Variants in GAS7 observed in about 807,000 individuals in gnomAD.
GAS7 encodes growth arrest specific 7.
GAS7 carries 28 observed loss-of-function variants against 71.1 expected under a neutral mutation model. That is an observed-to-expected ratio of 0.39 (90% CI 0.29 to 0.54). The LOEUF (loss-of-function observed/expected upper bound fraction) is 0.54. Ranked by LOEUF, GAS7 falls within the 20% of genes least tolerant of loss-of-function variation. The probability of loss-of-function intolerance (pLI) is 0.62; values close to 1 mark genes in which losing one functional copy is unlikely to be tolerated. For missense variants in GAS7, 436 were observed against 627.8 expected, an observed-to-expected ratio of 0.69 and a Z score of 3.27; for synonymous variants, 258 against 245.8, an observed-to-expected ratio of 1.05 and a Z score of -0.46.
At chr17:10,157,172 G>C (rs2074211796) in intron 1 of GAS7, among the ~76,000 whole-genome samples, 1 of 152,130 alleles carries the variant, frequency 6.6e-6, no homozygotes, top group South Asian at 2.1e-4. Context: ...GGAGAAGGAG[G>C]AAACACCCAC....
At chr17:9,946,784 C>T in intron 6 of GAS7, 110 bp downstream of exon 6, 1 of 659,890 alleles carries the variant, frequency 1.5e-6, no homozygotes. Context: ...CCTTCACGCT[C>T]CAACGAGAAA....
chr17:9,942,939 C>G (rs114514312), intron 7 of GAS7, among the ~76,000 whole-genome samples, 182 bp downstream of exon 7: 3 of 152,176 alleles, frequency 2.0e-5, no homozygotes, highest in Non-Finnish European at 4.4e-5. Context: ...AACACTATAT[C>G]GGCCAAAGGT....
chr17:9,912,883 G>A lies in GAS7; in HGVS notation c.*4345C>T. ...GCAATGAAATACTTCCCGGCAAGGA[G>A]AAGGAACAAACCACACGCACACATC... On this transcript the variant is annotated 3_prime_UTR_variant, in exon 14 of 14. Coordinates refer to ENST00000432992, the MANE Select transcript of GAS7 (RefSeq NM_201433.2). 4.3e-6 allele frequency: 1 copy of A among 233,056 alleles called. No individual in the cohort carries two copies. Among genetic ancestry groups the A allele is most frequent in the Non-Finnish European group, 8.5e-6 (1 of 117,920 alleles). The allele number at this position is 233,056 out of a possible 1,614,324, so 14.4% of individuals were successfully genotyped here. A position where few individuals can be genotyped will look rare whatever the true frequency, so the allele number is the denominator to read the frequency against.
Position 10,105,442 on chromosome 17 carries a change from C to T in GAS7, c.184-85545G>A, listed in dbSNP as rs555259751. Among the ~76,000 whole-genome samples, 12 of 152,314 alleles carry T rather than the reference C, an allele frequency of 7.9e-5. No individual in the cohort carries two copies. In the East Asian group the frequency reaches 2.3e-3, roughly 29 times the overall value. On this transcript the variant is annotated intron_variant, in intron 1 of 13. Transcript: ENST00000432992. ...CTCAGCGGTCCCATGTGACTAGTGG[C>T]TACCATGTTAGATGGTACAGGCCTA...
At chr17:10,117,011 G>A (rs2073867210) in intron 1 of GAS7, among the ~76,000 whole-genome samples, 1 of 152,086 alleles carries the variant, frequency 6.6e-6, no homozygotes, top group African/African-American at 2.4e-5. Flanking sequence ...ATACACTAAC[G>A]GGCTTCAAAC....
chr17:10,002,445 TACATGTGCACA>T (rs1033691045), intron 2 of GAS7, among the ~76,000 whole-genome samples: 1 of 151,942 alleles, frequency 6.6e-6, no homozygotes, highest in Non-Finnish European at 1.5e-5. Flanking sequence ...AGTTCTAGGG[TACATGTGCACA>T]ACATGCAGGT....
chr17:10,133,467 T>C (rs2074014910), intron 1 of GAS7, among the ~76,000 whole-genome samples: 1 of 152,176 alleles, frequency 6.6e-6, no homozygotes, highest in Non-Finnish European at 1.5e-5. Flanking sequence ...ATATTTATGG[T>C]GTACAACATA....
At position 9,971,849 on chromosome 17, in the gene GAS7, C is replaced by G. The variant is rs1597582740; in HGVS notation, c.386-2087G>C. ...CTGAAAGTTACCACCAACACCTACT[C>G]ATTTGGAGCGACGAGGACTGGAGGC... On this transcript the variant is annotated intron_variant, in intron 3 of 13. Transcript: ENST00000432992. Among the ~76,000 whole-genome samples, 4 of 152,294 alleles carry G rather than the reference C, an allele frequency of 2.6e-5. 1 individual carries two copies. In the Middle Eastern group the frequency reaches 0.014, roughly 518 times the overall value.
At chr17:9,987,461 C>A (rs778738097) in intron 2 of GAS7, among the ~76,000 whole-genome samples, 1 of 152,188 alleles carries the variant, frequency 6.6e-6, no homozygotes, top group Non-Finnish European at 1.5e-5. Context: ...TTCTCCTCAG[C>A]GAATGCCAGT....
In GAS7 at chr17:9,919,823, A is replaced by C; in HGVS notation, c.1139-118T>G. 1 of 782,068 alleles carries C rather than the reference A, an allele frequency of 1.3e-6. No individual in the cohort carries two copies. The highest frequency in any genetic ancestry group is 2.3e-6 in the Non-Finnish European group (1 of 441,678). 48.4% of individuals were successfully genotyped at this position (782,068 alleles called of 1,614,324 possible). A position where few individuals can be genotyped will look rare whatever the true frequency, so the allele number is the denominator to read the frequency against. ...CCCCTGGGGTCATGGTGGCCGCTGG[A>C]AAGCTGGAAAAGGGATGGCAGTAGG... On this transcript the variant is annotated intron_variant, in intron 11 of 13. Transcript: ENST00000432992. This position sits in a 1 kb window ranked among gnomAD's most constrained non-coding sequence, Gnocchi z 5.0.
intron 1 of GAS7, among the ~76,000 whole-genome samples, chr17:10,073,262 C>T (rs1012495166): frequency 6.6e-6 from 1 of 152,160 alleles, no homozygotes; most frequent in Admixed American, 6.5e-5. Context: ...TATGCAGGTA[C>T]CTCAGTGAAC....
intron 1 of GAS7, among the ~76,000 whole-genome samples, chr17:10,081,025 AAG>A (rs1419169642): frequency 6.6e-6 from 1 of 152,264 alleles, no homozygotes; most frequent in African/African-American, 2.4e-5. Context: ...TCCTCAGAAA[AAG>A]AGTACAATTG....
At chr17:10,013,448 C>T (rs2071860640) in intron 2 of GAS7, among the ~76,000 whole-genome samples, 1 of 152,136 alleles carries the variant, frequency 6.6e-6, no homozygotes, top group South Asian at 2.1e-4. Flanking sequence ...GAATGGAGAG[C>T]TTCCCTGGAC....
intron 4 of GAS7, among the ~76,000 whole-genome samples, chr17:9,968,258 G>T (rs9915332): frequency 6.6e-6 from 1 of 152,064 alleles, no homozygotes; most frequent in African/African-American, 2.4e-5. Context: ...CATGAGCAGA[G>T]GAGAGAAGGA....
chr17:10,113,391 C>A (rs9907602), intron 1 of GAS7, among the ~76,000 whole-genome samples: 43,216 of 152,086 alleles, frequency 0.28, 6,266 homozygotes, highest in African/African-American at 0.32. Context: ...CGAGGCTATC[C>A]ACAGCAGCAA....
chr17:10,085,139 G>C (rs1408398331), intron 1 of GAS7, among the ~76,000 whole-genome samples: 2 of 152,184 alleles, frequency 1.3e-5, no homozygotes, highest in African/African-American at 2.4e-5. Context: ...TCTCTGCCCA[G>C]TCTATAACCT....
intron 1 of GAS7, among the ~76,000 whole-genome samples, chr17:10,090,412 T>G (rs1211983415): frequency 6.6e-6 from 1 of 152,178 alleles, no homozygotes; most frequent in Non-Finnish European, 1.5e-5. Flanking sequence ...TTGTCCTGAT[T>G]TATACACAAA....
intron 1 of GAS7, among the ~76,000 whole-genome samples, chr17:10,094,036 G>A (rs1359288795): frequency 2.0e-5 from 3 of 152,170 alleles, no homozygotes; most frequent in Non-Finnish European, 4.4e-5. Flanking sequence ...CTTGCAAATA[G>A]GGGACAACTC....
chr17:10,198,091 C>A (rs2074553968), intron 1 of GAS7, 117 bp downstream of exon 1: 3 of 951,762 alleles, frequency 3.2e-6, no homozygotes, highest in East Asian at 2.7e-5. Flanking sequence ...GCAAGGGCTG[C>A]CCCCCGGGGC....
Sources: gnomAD v4.1 joint callset for allele counts (sites outside exome capture counted in the v4.1 genomes callset) on GRCh38, gnomAD v4.1.1 for gene constraint, Gnocchi (gnomAD v3.1) non-coding constraint, MANE v1.5 for transcripts, NCBI Gene and HGNC (gene_info 2026-07-23, HGNC 2026-07-21) for gene names.